The following STAG1 variants were observed in gnomAD, a reference collection of about 807,000 sequenced individuals.
STAG1 encodes cohesin subunit SA-1.
STAG1 carries 26 observed loss-of-function variants against 170.9 expected under a neutral mutation model. The observed-to-expected ratio is 0.15, with a 90% CI of 0.11 to 0.21. STAG1 has a LOEUF of 0.21. Ranked by LOEUF, STAG1 falls within the 10% of genes least tolerant of loss-of-function variation. STAG1 has a pLI of 1.00. For synonymous variants in STAG1, 514 were observed against 497.7 expected, an observed-to-expected ratio of 1.03 and a Z score of -0.44; for missense variants, 964 against 1,509.5, an observed-to-expected ratio of 0.64 and a Z score of 5.99.
chr3:136,712,990 C>G (rs1250991872), intron 1 of STAG1, among the ~76,000 whole-genome samples: 1 of 152,074 alleles, frequency 6.6e-6, no homozygotes. Flanking sequence ...ACTCAGGAGG[C>G]TGAGGCAGGA....
At chr3:136,491,166 G>T (rs569291968) in intron 9 of STAG1, among the ~76,000 whole-genome samples, 1 of 152,122 alleles carries the variant, frequency 6.6e-6, no homozygotes, top group East Asian at 1.9e-4. Flanking sequence ...CGTTCAGGCT[G>T]GAGTGCAGTG....
intron 21 of STAG1, among the ~76,000 whole-genome samples, chr3:136,411,040 G>A (rs28634226): frequency 0.19 from 29,655 of 152,156 alleles, 3,192 homozygotes; most frequent in Non-Finnish European, 0.24. Flanking sequence ...GGGCAGACAA[G>A]CGGGGAGCTT....
intron 26 of STAG1, among the ~76,000 whole-genome samples, chr3:136,360,635 C>A (rs1352791716): frequency 6.6e-6 from 1 of 152,100 alleles, no homozygotes. Flanking sequence ...AACAGTTCTT[C>A]CAGGGATTTC....
chr3:136,709,757 G>A (rs1057221449), intron 1 of STAG1, among the ~76,000 whole-genome samples: 33 of 150,358 alleles, frequency 2.2e-4, no homozygotes, highest in Middle Eastern at 3.6e-3. Flanking sequence ...GTGGGGGGCC[G>A]GACAAGGTAG....
chr3:136,593,300 T>C (rs1938276948), intron 4 of STAG1, among the ~76,000 whole-genome samples: 1 of 152,176 alleles, frequency 6.6e-6, no homozygotes, highest in Non-Finnish European at 1.5e-5. Flanking sequence ...AACTTGTTCA[T>C]GGTACATATT....
chr3:136,504,693 C>T (rs976516000), intron 7 of STAG1, among the ~76,000 whole-genome samples: 10 of 152,164 alleles, frequency 6.6e-5, no homozygotes, highest in Middle Eastern at 3.2e-3. Flanking sequence ...ACATACCTAA[C>T]GCAAAATGAC....
chr3:136,463,566 A>G (rs1449906033), intron 13 of STAG1, among the ~76,000 whole-genome samples: 1 of 151,900 alleles, frequency 6.6e-6, no homozygotes, highest in Non-Finnish European at 1.5e-5. Context: ...ATAACCAAGA[A>G]TATGTTTATA....
chr3:136,430,000 C>T (rs1037042353), intron 16 of STAG1: 1 of 152,144 alleles, frequency 6.6e-6, no homozygotes, highest in Non-Finnish European at 1.5e-5. Flanking sequence ...GGCTTCTGAT[C>T]ATTTAGGTTA....
chr3:136,702,099 GAGAGAGAGAGAGAGAGAGAGAGAC>G (rs1416120362), intron 1 of STAG1, among the ~76,000 whole-genome samples: 128 of 101,826 alleles, frequency 1.3e-3, no homozygotes, highest in Middle Eastern at 4.7e-3. Flanking sequence ...GAGAGAGAGA[GAGAGAGAGAGAGAGAGAGAGAGAC>G]AGAGAGACAG....
At chr3:136,549,193 T>A (rs945695631) in intron 5 of STAG1, among the ~76,000 whole-genome samples, 1 of 152,252 alleles carries the variant, frequency 6.6e-6, no homozygotes, top group Non-Finnish European at 1.5e-5. Context: ...TAATTTTCTT[T>A]CAGAAAGTTC....
intron 21 of STAG1, among the ~76,000 whole-genome samples, chr3:136,405,346 A>G (rs911580602): frequency 7.0e-6 from 1 of 142,058 alleles, no homozygotes; most frequent in African/African-American, 2.6e-5. Flanking sequence ...GGTTCAGTGA[A>G]TTCTTGTGCA....
chr3:136,724,354 T>G (rs990026067), intron 1 of STAG1, among the ~76,000 whole-genome samples: 1 of 151,564 alleles, frequency 6.6e-6, no homozygotes, highest in Non-Finnish European at 1.5e-5. Context: ...CAGGGTTAAA[T>G]GGATTAAGGG....
At chr3:136,552,338 C>A (rs1936440452) in intron 5 of STAG1, among the ~76,000 whole-genome samples, 1 of 152,106 alleles carries the variant, frequency 6.6e-6, no homozygotes. Context: ...ATATACATAT[C>A]ATCTGAGGGA....
At position 136,540,822 on chromosome 3, in the gene STAG1, C is replaced by CAAAAAAAAAAAAAAAAAA; in HGVS notation, c.471+1279_471+1296dup. On this transcript the variant is annotated intron_variant, in intron 6 of 33. Coordinates refer to ENST00000383202, the MANE Select transcript of STAG1 (RefSeq NM_005862.3). ...GGGCGACAGAGTGAAACTGTGTCTC[C>CAAAAAAAAAAAAAAAAAA]AAAAAAAAAAAAAAAAAAAAAAAAA... Among the ~76,000 whole-genome samples, 104 of 46,308 alleles carry CAAAAAAAAAAAAAAAAAA rather than the reference C, an allele frequency of 2.2e-3. 19 individuals are homozygous for CAAAAAAAAAAAAAAAAAA. The highest frequency in any genetic ancestry group is 3.6e-3 in the Non-Finnish European group (82 of 22,636). 30.4% of individuals were successfully genotyped at this position (46,308 alleles called of 152,430 possible).
intron 1 of STAG1, among the ~76,000 whole-genome samples, chr3:136,684,227 G>A (rs1293010047): frequency 1.3e-5 from 2 of 152,158 alleles, no homozygotes; most frequent in South Asian, 4.1e-4. Flanking sequence ...ATATGATACT[G>A]AAGTAGTATA....
At chr3:136,395,158 T>A (rs1191188148) in intron 22 of STAG1, among the ~76,000 whole-genome samples, 2 of 152,022 alleles carry the variant, frequency 1.3e-5, no homozygotes, top group African/African-American at 4.8e-5. Context: ...AAATATGTAA[T>A]ATGACTAATA....
intron 28 of STAG1, among the ~76,000 whole-genome samples, chr3:136,354,754 C>CAAAAAAAAAAAAAAAAAAAAAAAA: frequency 3.1e-4 from 2 of 6,516 alleles, no homozygotes; most frequent in Non-Finnish European, 4.9e-4. Context: ...GAGAAAGAAC[C>CAAAAAAAAAAAAAAAAAAAAAAAA]AAAAAAAAAA....
At chr3:136,449,326 C>T (rs1331016350) in intron 14 of STAG1, among the ~76,000 whole-genome samples, 9 of 152,010 alleles carry the variant, frequency 5.9e-5, no homozygotes, top group South Asian at 2.1e-4. Context: ...TTTGGAAGGC[C>T]GAGGCAGGTG....
At chr3:136,671,333 T>C (rs1238053210) in intron 1 of STAG1, among the ~76,000 whole-genome samples, 1 of 152,020 alleles carries the variant, frequency 6.6e-6, no homozygotes, top group African/African-American at 2.4e-5. Flanking sequence ...ACGTGCCATA[T>C]AGCTTGCATT....
Sources: gnomAD v4.1 joint callset for allele counts (sites outside exome capture counted in the v4.1 genomes callset) on GRCh38, gnomAD v4.1.1 for gene constraint, MANE v1.5 for transcripts, NCBI Gene and HGNC (gene_info 2026-07-23, HGNC 2026-07-21) for gene names.